Variants in WNT4 observed in about 807,000 individuals in gnomAD.
WNT4 encodes protein Wnt-4.
WNT4 carries 16 observed loss-of-function variants against 34.5 expected under a neutral mutation model. That is an observed-to-expected ratio of 0.46 (90% CI 0.31 to 0.70). WNT4 has a LOEUF of 0.70. Ranked by LOEUF, WNT4 falls within the 30% of genes least tolerant of loss-of-function variation. The pLI is 0.04. For synonymous variants in WNT4, 200 were observed against 211.9 expected (o/e 0.94, Z 0.49); for missense variants, 379 against 495.9 (o/e 0.76, Z 2.24).
At position 22,134,903 on chromosome 1, in the gene WNT4, T is replaced by C. The variant is rs1414056906; in HGVS notation, c.78-5052A>G. 6.6e-6 allele frequency among the ~76,000 whole-genome samples: 1 copy of C among 152,154 alleles called. No homozygotes were observed. Among genetic ancestry groups the C allele is most frequent in the Non-Finnish European group, 1.5e-5 (1 of 68,020 alleles). ...CTTAGTCCTGGGTTCCCAGTCTTTT[T>C]TTCAGCTGATCATGCCTGAGAGGTG... On this transcript the variant is annotated intron_variant, in intron 1 of 4. Transcript: ENST00000290167. This position sits in a 1 kb window ranked among gnomAD's most constrained non-coding sequence, Gnocchi z 4.1.
Position 22,139,317 on chromosome 1 carries a change from G to A in WNT4, c.77+3529C>T, listed in dbSNP as rs1646047292. 6.6e-6 allele frequency among the ~76,000 whole-genome samples: 1 copy of A among 152,216 alleles called. No individual in the cohort carries two copies. The highest frequency in any genetic ancestry group is 2.1e-4 in the South Asian group (1 of 4,834). On this transcript the variant is annotated intron_variant, in intron 1 of 4. Coordinates refer to ENST00000290167, the MANE Select transcript of WNT4 (RefSeq NM_030761.5). The surrounding 1 kb of genome is among the most constrained non-coding windows in gnomAD (Gnocchi z 4.6). Reference sequence around the variant, plus strand: ...CCCAGTGCCAGCTTGCCACACGCATGGGCTCGCTCTTTCTTCCCAACCACC... The same window carrying A: ...CCCAGTGCCAGCTTGCCACACGCATAGGCTCGCTCTTTCTTCCCAACCACC...
intron 2 of WNT4, among the ~76,000 whole-genome samples, chr1:22,122,965 C>T (rs575939716): frequency 6.6e-6 from 1 of 152,336 alleles, no homozygotes; most frequent in African/African-American, 2.4e-5. Context: ...TGGGTCAGCA[C>T]TGGGGGGCTT....
intron 2 of WNT4, chr1:22,127,014 C>A: frequency 2.9e-6 from 1 of 341,066 alleles, no homozygotes; most frequent in South Asian, 2.2e-5. Context: ...CCCTTTTCCT[C>A]TTAGTCAGTG....
At position 22,121,332 on chromosome 1, in the gene WNT4, G is replaced by C; in HGVS notation, c.467C>G (p.Ser156Cys). 6.2e-7 allele frequency: 1 copy of C among 1,614,160 alleles called. No individual in the cohort carries two copies. The change falls in exon 4 of 5, where the codon TCT (serine) becomes TGT (cysteine). Residue 156 changes from serine (S) to cysteine (C), a missense_variant. This residue lies in a region of WNT4 where 313 missense variants were observed against 445.8 expected (regional missense o/e 0.70). Coordinates refer to ENST00000290167, the MANE Select transcript of WNT4 (RefSeq NM_030761.5). The stretch of plus-strand genomic sequence containing the variant: ...GGCCACACCGTAGGCGATGTTGTCA[G>C]AGCATCCTGACCACTGGAAGCCTGG... Reference protein sequence around the residue: ...SPQGFQWSGCSDNIAYGVAFS... With the variant: ...SPQGFQWSGCCDNIAYGVAFS...
At chr1:22,127,518 C>T in intron 2 of WNT4, 1 of 520,628 alleles carries the variant, frequency 1.9e-6, no homozygotes, top group Non-Finnish European at 3.9e-6. Context: ...TGAACCTTGC[C>T]TTCAAAGGGC....
Position 22,139,316 on chromosome 1 carries a change from T to C in WNT4, c.77+3530A>G, listed in dbSNP as rs1320007598. Among the ~76,000 whole-genome samples, 2 of 152,202 alleles carry C rather than the reference T, an allele frequency of 1.3e-5. No homozygotes were observed. Among genetic ancestry groups the C allele is most frequent in the Admixed American group, 6.5e-5 (1 of 15,286 alleles). The stretch of plus-strand genomic sequence containing the variant: ...GCCCAGTGCCAGCTTGCCACACGCA[T>C]GGGCTCGCTCTTTCTTCCCAACCAC... On this transcript the variant is annotated intron_variant, in intron 1 of 4. Coordinates refer to ENST00000290167, the MANE Select transcript of WNT4 (RefSeq NM_030761.5). The surrounding 1 kb of genome is among the most constrained non-coding windows in gnomAD (Gnocchi z 4.6).
chr1:22,127,248 C>T (rs759673355), intron 2 of WNT4: 3 of 499,464 alleles, frequency 6.0e-6, no homozygotes, highest in Admixed American at 4.3e-5. Context: ...GCAGGTACCA[C>T]CCAGGCCTAG....
chr1:22,129,115 TGGA>T (rs1645962566), intron 2 of WNT4, among the ~76,000 whole-genome samples: 1 of 152,190 alleles, frequency 6.6e-6, no homozygotes, highest in South Asian at 2.1e-4. Context: ...CTGGCTATGC[TGGA>T]GGTGCACAAT....
rs994069303 is a variant in WNT4, at chr1:22,139,296, G to C, written c.77+3550C>G. Among the ~76,000 whole-genome samples, 3 of 152,228 alleles carry C rather than the reference G, an allele frequency of 2.0e-5. No homozygotes were observed. Among genetic ancestry groups the C allele is most frequent in the African/African-American group, 7.2e-5 (3 of 41,456 alleles). On this transcript the variant is annotated intron_variant, in intron 1 of 4. Coordinates refer to ENST00000290167, the MANE Select transcript of WNT4 (RefSeq NM_030761.5). This position sits in a 1 kb window ranked among gnomAD's most constrained non-coding sequence, Gnocchi z 4.6. ...CATTTCCATCAGCGTGCCTGGCCCA[G>C]TGCCAGCTTGCCACACGCATGGGCT...
At chr1:22,130,938 T>C (rs1645979154) in intron 1 of WNT4, among the ~76,000 whole-genome samples, 1 of 152,268 alleles carries the variant, frequency 6.6e-6, no homozygotes, top group African/African-American at 2.4e-5. Flanking sequence ...CTGGGCTAAG[T>C]ACTTTACATT....
rs1019184914 is a variant in WNT4, at chr1:22,142,698, G to GGCA, written c.77+145_77+147dup. On this transcript the variant is annotated intron_variant, in intron 1 of 4. Coordinates refer to ENST00000290167, the MANE Select transcript of WNT4 (RefSeq NM_030761.5). This position sits in a 1 kb window ranked among gnomAD's most constrained non-coding sequence, Gnocchi z 6.0. ...AGAGGGACGTTCGGGCCGTGGCGGCGGCAGCGGAGCGAGCGAGCCTCCGGT... is the reference window on the plus strand; with the variant it reads ...AGAGGGACGTTCGGGCCGTGGCGGCGGCAGCAGCGGAGCGAGCGAGCCTCCGGT... 1 of 464,944 alleles carries GGCA rather than the reference G, an allele frequency of 2.2e-6. No homozygotes were observed. Among genetic ancestry groups the GGCA allele is most frequent in the Non-Finnish European group, 2.8e-6 (1 of 354,728 alleles). 28.8% of individuals were successfully genotyped at this position (464,944 alleles called of 1,614,324 possible).
intron 2 of WNT4, among the ~76,000 whole-genome samples, chr1:22,122,447 G>A (rs897191402): frequency 2.0e-5 from 3 of 152,222 alleles, no homozygotes; most frequent in Non-Finnish European, 2.9e-5. Flanking sequence ...CTCGTCCCTC[G>A]CCTGAATGGA....
At chr1:22,131,920 A>G (rs1645986957) in intron 1 of WNT4, among the ~76,000 whole-genome samples, 1 of 152,092 alleles carries the variant, frequency 6.6e-6, no homozygotes, top group East Asian at 1.9e-4. Flanking sequence ...CCTTGGAGGG[A>G]AGACAAGGGC....
chr1:22,120,324 T>A lies in WNT4; in HGVS notation c.782A>T (p.Gln261Leu). The A allele has an allele frequency of 6.2e-7, 1 of 1,614,230 alleles. No individual in the cohort carries two copies. Among genetic ancestry groups the A allele is most frequent in the Non-Finnish European group, 8.5e-7 (1 of 1,180,040 alleles). Reference sequence around the variant, plus strand: ...GTCCTCATCTGTGTGCGGCTTGAACTGTGCGTTGCGTGGCACCAGTGCCCT... The same window carrying A: ...GTCCTCATCTGTGTGCGGCTTGAACAGTGCGTTGCGTGGCACCAGTGCCCT... ...SSRALVPRNA[Q>L]FKPHTDEDLV... is the part of the protein sequence containing the mutation. The change falls in exon 5 of 5, where the codon CAG (glutamine) becomes CTG (leucine). Residue 261 changes from glutamine to leucine, a missense_variant. Physicochemically the swap from Gln to Leu is moderately radical, Grantham distance 113 (BLOSUM62 -2). Coordinates refer to ENST00000290167, the MANE Select transcript of WNT4 (RefSeq NM_030761.5).
chr1:22,136,431 C>A (rs1231777691), intron 1 of WNT4, among the ~76,000 whole-genome samples: 1 of 152,154 alleles, frequency 6.6e-6, no homozygotes, highest in East Asian at 1.9e-4. Flanking sequence ...ACAGGTGAAA[C>A]CCCAGCAGAA....
At chr1:22,123,884 C>A (rs1020976472) in intron 2 of WNT4, among the ~76,000 whole-genome samples, 10 of 152,234 alleles carry the variant, frequency 6.6e-5, no homozygotes, top group African/African-American at 2.2e-4. Flanking sequence ...GGGTTCTTTA[C>A]TGGGGGATGG....
At chr1:22,128,307 C>A (rs1194474529) in intron 2 of WNT4, among the ~76,000 whole-genome samples, 1 of 152,220 alleles carries the variant, frequency 6.6e-6, no homozygotes, top group Admixed American at 6.5e-5. Context: ...GCAACCCCTT[C>A]CTGCTGCCTG....
At chr1:22,130,774 A>G (rs535373114) in intron 1 of WNT4, among the ~76,000 whole-genome samples, 30 of 152,336 alleles carry the variant, frequency 2.0e-4, no homozygotes, top group African/African-American at 6.7e-4. Context: ...GCCCGAGGCA[A>G]TGAGGCAGGA....
In WNT4 at chr1:22,119,879, G is replaced by A; in HGVS notation, c.*171C>T. ...AGGCTTTGGGGAGGCCCTGGTTGGT[G>A]CCCTTGGGGTTGCCTGCCTGGTTTC... is the stretch of plus-strand genomic sequence containing the variant. On this transcript the variant is annotated 3_prime_UTR_variant, in exon 5 of 5. Coordinates refer to ENST00000290167, the MANE Select transcript of WNT4 (RefSeq NM_030761.5). The A allele has an allele frequency of 2.5e-6, 2 of 800,576 alleles. No individual in the cohort carries two copies. The highest frequency in any genetic ancestry group is 3.5e-5 in the South Asian group (2 of 56,918). The allele number at this position is 800,576 out of a possible 1,614,324, so 49.6% of individuals were successfully genotyped here.
Sources: allele counts gnomAD v4.1 joint callset (sites outside exome capture counted in the v4.1 genomes callset), GRCh38; gene constraint gnomAD v4.1.1; regional missense constraint gnomAD v4.1.1; non-coding constraint Gnocchi (gnomAD v3.1); transcripts MANE v1.5; gene names NCBI Gene and HGNC (gene_info 2026-07-23, HGNC 2026-07-21).